Variants in NDE1 observed in about 807,000 individuals in gnomAD.
The protein encoded by NDE1 is nuclear distribution protein nudE homolog 1.
A neutral mutation model predicts 43.4 loss-of-function variants in NDE1; 28 were observed. The ratio of observed to expected loss-of-function variants is 0.65; its 90% confidence interval spans 0.48 to 0.89. NDE1 has a LOEUF of 0.89. Among genes scored for constraint, NDE1 ranks in the 40% least tolerant of loss-of-function variants. NDE1 has a pLI of 0.00. For missense variants in NDE1, 441 were observed against 434.1 expected, an observed-to-expected ratio of 1.02 and a Z score of -0.14; for synonymous variants, 184 against 172.0, an observed-to-expected ratio of 1.07 and a Z score of -0.55.
intron 8 of NDE1, chr16:15,720,099 G>A (rs1345047798): frequency 6.2e-7 from 1 of 1,612,634 alleles, no homozygotes; most frequent in Non-Finnish European, 8.5e-7. Context: ...GGTGGCCTGA[G>A]GGGAACTGTG....
In NDE1 at chr16:15,691,209, G is replaced by T. The variant is rs762069095; in HGVS notation, c.589G>T (p.Val197Leu). The T allele has an allele frequency of 1.2e-6, 2 of 1,614,082 alleles. No homozygotes were observed. Among genetic ancestry groups the T allele is most frequent in the Admixed American group, 1.7e-5 (1 of 59,994 alleles). ...EKPRTPMPSSVEAERTDTAVQ... is the reference protein window; with the variant it reads ...EKPRTPMPSSLEAERTDTAVQ... ...ACCCAGGACCCCCATGCCCAGCTCAGTGGAAGCTGAGAGGACAGACACAGC... is the reference window on the plus strand; with the variant it reads ...ACCCAGGACCCCCATGCCCAGCTCATTGGAAGCTGAGAGGACAGACACAGC... Residue 197 changes from valine to leucine, a missense_variant, in exon 6 of 9, where the codon GTG becomes TTG. Physicochemically the swap from Val to Leu is conservative, Grantham distance 32 (BLOSUM62 1). Transcript: ENST00000396354.
At chr16:15,690,337 CTTTTTTTTTTTTTTTCTTTTTTTTTTT>C (rs1409589571) in intron 5 of NDE1, among the ~76,000 whole-genome samples, 11 of 74,108 alleles carry the variant, frequency 1.5e-4, no homozygotes, top group Admixed American at 5.5e-4. Context: ...TGCAACTGGC[CTTTTTTTTTTTTTTTCTTTTTTTTTTT>C]TTTTTTTTTT....
chr16:15,655,618 C>G (rs138451962), intron 1 of NDE1, among the ~76,000 whole-genome samples: 1 of 152,130 alleles, frequency 6.6e-6, no homozygotes, highest in East Asian at 1.9e-4. Context: ...ACCCAGCCAT[C>G]GCATTACTGG....
Position 15,696,903 on chromosome 16 carries a change from G to A in NDE1, c.947+43G>A, listed in dbSNP as rs771553126. On this transcript the variant is annotated intron_variant, in intron 8 of 8. Transcript: ENST00000396354. ...AACCTCTCGCTGGCGGGGAGAACCC[G>A]CCTGCCCCAGGCAAGAGACACTCAC... The A allele has an allele frequency of 4.2e-5, 68 of 1,603,256 alleles. 1 individual carries two copies. The highest frequency in any genetic ancestry group is 1.7e-4 in the Middle Eastern group (1 of 5,860).
chr16:15,655,939 T>C (rs1436424369), intron 1 of NDE1, among the ~76,000 whole-genome samples: 1 of 129,596 alleles, frequency 7.7e-6, no homozygotes, highest in Non-Finnish European at 1.6e-5. Flanking sequence ...CGAGAACACA[T>C]GGACACAGGA....
At chr16:15,703,460 T>C in intron 8 of NDE1, 1 of 241,106 alleles carries the variant, frequency 4.1e-6, no homozygotes, top group Non-Finnish European at 8.2e-6. Context: ...GGATATGTTT[T>C]TCTAAAAACT....
intron 6 of NDE1, among the ~76,000 whole-genome samples, chr16:15,692,926 G>A (rs1008597918): frequency 6.6e-6 from 1 of 151,758 alleles, no homozygotes; most frequent in Non-Finnish European, 1.5e-5. Context: ...CAATATGCAT[G>A]TAGCTTACCT....
chr16:15,672,298 T>C (rs1443107619), intron 3 of NDE1, among the ~76,000 whole-genome samples: 1 of 152,036 alleles, frequency 6.6e-6, no homozygotes, highest in African/African-American at 2.4e-5. Context: ...CTGGGCATGG[T>C]GGCGCACACC....
chr16:15,723,004 A>C (rs1272849245), intron 8 of NDE1, among the ~76,000 whole-genome samples: 2 of 152,102 alleles, frequency 1.3e-5, no homozygotes, highest in Non-Finnish European at 2.9e-5. Flanking sequence ...TCAGCCTCCC[A>C]AAGTGCTAGG....
intron 4 of NDE1, among the ~76,000 whole-genome samples, chr16:15,681,903 G>A (rs2151084421): frequency 6.6e-6 from 1 of 152,176 alleles, no homozygotes; most frequent in East Asian, 1.9e-4. Flanking sequence ...TAGCGGAGAT[G>A]GGGTTTCACC....
At chr16:15,695,495 CAAAAAA>C (rs3073434) in intron 7 of NDE1, 3 of 930,272 alleles carry the variant, frequency 3.2e-6, no homozygotes, top group Admixed American at 8.0e-5. Context: ...GACTTGGTCT[CAAAAAA>C]AAAAAAAAAA....
intron 1 of NDE1, among the ~76,000 whole-genome samples, chr16:15,657,221 C>G (rs2036814940): frequency 6.6e-6 from 1 of 151,766 alleles, no homozygotes; most frequent in Non-Finnish European, 1.5e-5. Flanking sequence ...CCTCAGTCTT[C>G]CGAGTAGCTG....
upstream of NDE1, chr16:15,650,139 T>C (rs1417445027): frequency 6.4e-6 from 1 of 155,376 alleles, no homozygotes; most frequent in Non-Finnish European, 1.4e-5. Flanking sequence ...CTGCGCTGAT[T>C]GGCCGAGGCG....
chr16:15,688,723 G>C (rs1479923856), intron 5 of NDE1, among the ~76,000 whole-genome samples: 1 of 32,386 alleles, frequency 3.1e-5, no homozygotes. Context: ...TTTTGAGATG[G>C]CGTCTTGCTC....
chr16:15,650,121 AC>A (rs1399444343), upstream of NDE1: 2 of 153,104 alleles, frequency 1.3e-5, no homozygotes, highest in Admixed American at 1.3e-4. Context: ...TTTCCAAACG[AC>A]GCTGCTCTGC....
chr16:15,649,626 A>G (rs2036404458), upstream of NDE1, among the ~76,000 whole-genome samples: 1 of 152,124 alleles, frequency 6.6e-6, no homozygotes, highest in Non-Finnish European at 1.5e-5. Flanking sequence ...CCAGACCCAT[A>G]ATGGCGTTTT....
intron 4 of NDE1, among the ~76,000 whole-genome samples, chr16:15,685,476 C>T (rs1260216614): frequency 6.6e-6 from 1 of 152,106 alleles, no homozygotes; most frequent in Non-Finnish European, 1.5e-5. Flanking sequence ...GTCTTGAACC[C>T]TGGGCCTCAA....
chr16:15,672,969 G>A (rs16967584), intron 3 of NDE1, among the ~76,000 whole-genome samples: 10,966 of 152,120 alleles, frequency 0.072, 1,355 homozygotes, highest in African/African-American at 0.25. Context: ...TCCTTCCAAC[G>A]CTGTAAATCA....
rs1317809527 is a variant in NDE1 at position 15,704,013 on chromosome 16, T to G, written c.947+7153T>G. 3 of 1,614,160 alleles carry G rather than the reference T, an allele frequency of 1.9e-6. No individual in the cohort carries two copies. Among genetic ancestry groups the G allele is most frequent in the East Asian group, 4.5e-5 (2 of 44,876 alleles). Reference sequence around the variant, plus strand: ...TGCTTATTCACTGGCCTTGGTTCCATTGAAGTCTGCGTCTCGAGTGTCCGT... The same window carrying G: ...TGCTTATTCACTGGCCTTGGTTCCAGTGAAGTCTGCGTCTCGAGTGTCCGT... On this transcript the variant is annotated intron_variant, in intron 8 of 8. Coordinates refer to ENST00000396354, the MANE Select transcript of NDE1 (RefSeq NM_017668.3).
Sources: gnomAD v4.1 joint callset for allele counts (sites outside exome capture counted in the v4.1 genomes callset) on GRCh38, gnomAD v4.1.1 for gene constraint, MANE v1.5 for transcripts, NCBI Gene and HGNC (gene_info 2026-07-23, HGNC 2026-07-21) for gene names.